Variants in ENTREP2 observed in about 807,000 individuals in gnomAD.
ENTREP2 encodes endosomal transmembrane epsin interactor 2, also known as protein ENTREP2.
the ENTREP2 span, among the ~76,000 whole-genome samples, chr15:29,131,952 G>A: frequency 9.1e-4 from 24 of 26,282 alleles, no homozygotes; most frequent in Admixed American, 7.4e-3. Context: ...GACCTAAGCC[G>A]GAAGGGAAGT....
chr15:29,221,264 C>CA, the ENTREP2 span, among the ~76,000 whole-genome samples: 2 of 151,564 alleles, frequency 1.3e-5, no homozygotes, highest in African/African-American at 4.9e-5. Context: ...TGCAGTGGCA[C>CA]AATCTTGGCT....
the ENTREP2 span, among the ~76,000 whole-genome samples, chr15:29,559,989 C>A: frequency 6.6e-6 from 1 of 152,194 alleles, no homozygotes; most frequent in African/African-American, 2.4e-5. Context: ...AAAACTGGAA[C>A]TGAATATGAC....
the ENTREP2 span, among the ~76,000 whole-genome samples, chr15:29,581,577 T>G: frequency 6.6e-6 from 1 of 152,154 alleles, no homozygotes; most frequent in Admixed American, 6.6e-5. Context: ...GATGAAATTT[T>G]TAAAAAACTC....
At chr15:29,182,382 C>A in the ENTREP2 span, among the ~76,000 whole-genome samples, 1 of 151,956 alleles carries the variant, frequency 6.6e-6, no homozygotes, top group Admixed American at 6.6e-5. Context: ...GCCTCGGCCT[C>A]CGAAAGTGCT....
chr15:29,222,432 A>G, the ENTREP2 span, among the ~76,000 whole-genome samples: 22 of 152,150 alleles, frequency 1.4e-4, no homozygotes, highest in Non-Finnish European at 2.6e-4. Flanking sequence ...CCTTTACTTA[A>G]TAAACTTTCA....
the ENTREP2 span, among the ~76,000 whole-genome samples, chr15:29,152,062 C>T: frequency 6.6e-6 from 1 of 152,188 alleles, no homozygotes; most frequent in Non-Finnish European, 1.5e-5. Context: ...ATTCATAATA[C>T]TCAACAATGT....
the ENTREP2 span, among the ~76,000 whole-genome samples, chr15:29,411,623 T>G: frequency 6.6e-6 from 1 of 152,238 alleles, no homozygotes; most frequent in Non-Finnish European, 1.5e-5. Flanking sequence ...CAGTTGTGTT[T>G]TTGCTTTCTT....
At chr15:29,279,031 C>T in the ENTREP2 span, among the ~76,000 whole-genome samples, 1 of 152,166 alleles carries the variant, frequency 6.6e-6, no homozygotes, top group African/African-American at 2.4e-5. Context: ...TCTCTTCCTC[C>T]TTTTGTTGAC....
the ENTREP2 span, among the ~76,000 whole-genome samples, chr15:29,668,629 C>T: frequency 1.3e-5 from 2 of 152,166 alleles, no homozygotes; most frequent in African/African-American, 4.8e-5. Flanking sequence ...ACTTTGAAAA[C>T]ATTGCTGGGG....
chr15:29,142,940 C>T, the ENTREP2 span, among the ~76,000 whole-genome samples: 37 of 152,310 alleles, frequency 2.4e-4, no homozygotes, highest in Non-Finnish European at 4.7e-4. Context: ...CAATCAACCA[C>T]ATTGTATCAT....
At chr15:29,153,549 G>A in the ENTREP2 span, among the ~76,000 whole-genome samples, 3 of 152,192 alleles carry the variant, frequency 2.0e-5, no homozygotes, top group Middle Eastern at 6.8e-3. Context: ...CCTCCCAAAG[G>A]CCCTGCCTCC....
chr15:29,218,365 A>C, the ENTREP2 span, among the ~76,000 whole-genome samples: 1 of 152,180 alleles, frequency 6.6e-6, no homozygotes, highest in Non-Finnish European at 1.5e-5. Context: ...GGGTAGAATC[A>C]ATATTGTGAA....
chr15:29,490,461 C>T, the ENTREP2 span, among the ~76,000 whole-genome samples: 1 of 152,270 alleles, frequency 6.6e-6, no homozygotes, highest in Non-Finnish European at 1.5e-5. Flanking sequence ...CTGACCCCAC[C>T]CACATTCTGC....
the ENTREP2 span, among the ~76,000 whole-genome samples, chr15:29,213,982 C>T: frequency 6.6e-6 from 1 of 152,110 alleles, no homozygotes; most frequent in African/African-American, 2.4e-5. Flanking sequence ...ATCAAAACCA[C>T]AATGAGATAC....
At chr15:29,507,738 G>C in the ENTREP2 span, among the ~76,000 whole-genome samples, 1 of 152,064 alleles carries the variant, frequency 6.6e-6, no homozygotes, top group Non-Finnish European at 1.5e-5. Context: ...AGAATCTCTG[G>C]GACAGCTAAA....
the ENTREP2 span, among the ~76,000 whole-genome samples, chr15:29,519,658 G>A: frequency 3.3e-5 from 5 of 152,126 alleles, no homozygotes; most frequent in South Asian, 2.1e-4. Flanking sequence ...TCAACAGTAG[G>A]CTATTAGTAG....
At chr15:29,248,823 C>A in the ENTREP2 span, among the ~76,000 whole-genome samples, 1 of 152,100 alleles carries the variant, frequency 6.6e-6, no homozygotes, top group Non-Finnish European at 1.5e-5. Context: ...CCCTAAAAGG[C>A]ACTATGTCAA....
At chr15:29,130,174 G>A in the ENTREP2 span, among the ~76,000 whole-genome samples, 41 of 152,312 alleles carry the variant, frequency 2.7e-4, no homozygotes, top group African/African-American at 7.7e-4. Flanking sequence ...AGGTGGTTCC[G>A]AGACAAAGAG....
At chr15:29,144,377 C>A in the ENTREP2 span, among the ~76,000 whole-genome samples, 1 of 152,094 alleles carries the variant, frequency 6.6e-6, no homozygotes, top group Non-Finnish European at 1.5e-5. Context: ...AGTAATAATA[C>A]AACTACCCGC....
Sources: gnomAD v4.1 joint callset for allele counts (sites outside exome capture counted in the v4.1 genomes callset) on GRCh38, gnomAD v4.1.1 for gene constraint, MANE v1.5 for transcripts, NCBI Gene and HGNC (gene_info 2026-07-23, HGNC 2026-07-21) for gene names.